The following SYT9 variants were observed in gnomAD, a reference collection of about 807,000 sequenced individuals.
SYT9 encodes the protein synaptotagmin-9.
A neutral mutation model predicts 48.4 loss-of-function variants in SYT9; 22 were observed. The ratio of observed to expected loss-of-function variants is 0.45; its 90% CI spans 0.32 to 0.65. The LOEUF (loss-of-function observed/expected upper bound fraction) is 0.65. Ranked by LOEUF, SYT9 falls within the 30% of genes least tolerant of loss-of-function variation. The probability of loss-of-function intolerance (pLI) is 0.03; values close to 1 mark genes in which losing one functional copy is unlikely to be tolerated. For missense variants in SYT9, 577 were observed against 622.0 expected (o/e 0.93, Z 0.77); for synonymous variants, 265 against 245.0 (o/e 1.08, Z -0.76).
chr11:7,458,509 A>G (rs1848189761), intron 6 of SYT9, among the ~76,000 whole-genome samples: 1 of 152,312 alleles, frequency 6.6e-6, no homozygotes, highest in Admixed American at 6.5e-5. Flanking sequence ...AATTTAATTT[A>G]ATAGAGCAAG....
chr11:7,317,223 T>C (rs1849258857), intron 3 of SYT9, among the ~76,000 whole-genome samples: 1 of 152,242 alleles, frequency 6.6e-6, no homozygotes, highest in South Asian at 2.1e-4. Flanking sequence ...TTAGAAGTGT[T>C]AAGGTTTTGT....
chr11:7,283,343 A>G (rs1182455243), intron 1 of SYT9, among the ~76,000 whole-genome samples: 2 of 152,098 alleles, frequency 1.3e-5, no homozygotes, highest in East Asian at 3.9e-4. Flanking sequence ...ACTGTGAAAG[A>G]TTGAAGACAG....
chr11:7,316,463 C>T (rs968531353), intron 3 of SYT9, among the ~76,000 whole-genome samples: 6 of 152,016 alleles, frequency 3.9e-5, no homozygotes, highest in African/African-American at 1.4e-4. Context: ...TAGAAATAAG[C>T]AGAGCAGCTG....
upstream of SYT9, among the ~76,000 whole-genome samples, chr11:7,249,521 T>C (rs145077860): frequency 1.6e-4 from 25 of 152,336 alleles, no homozygotes; most frequent in Non-Finnish European, 3.5e-4. Flanking sequence ...AACCACCTGA[T>C]TTTACTTTCT....
intron 6 of SYT9, among the ~76,000 whole-genome samples, chr11:7,432,186 G>A (rs962103648): frequency 2.0e-5 from 3 of 152,162 alleles, no homozygotes; most frequent in Admixed American, 6.5e-5. Context: ...AGGCCTTGGG[G>A]GCCCACCCTT....
chr11:7,313,778 C>T lies in SYT9; in HGVS notation c.881C>T (p.Pro294Leu), dbSNP rs1446959308. Residue 294 changes from proline (P) to leucine (L), a missense_variant, in exon 3 of 7, where the codon CCC (proline) becomes CTC (leucine). By Grantham distance (98) the Pro-to-Leu change is moderately conservative. Transcript: ENST00000318881. ...GATGAAGTGTTTTTATTTCCGGTTC[C>T]CTACAATGACCTTGAAGCACGGAAG... Reference protein sequence around the residue: ...VFDEVFLFPVPYNDLEARKLH... With the variant: ...VFDEVFLFPVLYNDLEARKLH... The T allele has an allele frequency of 2.5e-6, 4 of 1,614,172 alleles. No homozygotes were observed. The highest frequency in any genetic ancestry group is 1.1e-5 in the South Asian group (1 of 91,080).
intron 6 of SYT9, chr11:7,435,385 T>C (rs1564903033): frequency 1.3e-5 from 2 of 152,238 alleles, no homozygotes; most frequent in South Asian, 4.1e-4. Context: ...GTTCCTCTTA[T>C]TGCTTCAAGC....
rs564315536 is a variant in SYT9 at position 7,424,167 on chromosome 11, A to G, written c.1467+3532A>G. Among the ~76,000 whole-genome samples, 38 of 152,340 alleles carry G rather than the reference A, an allele frequency of 2.5e-4. No individual in the cohort carries two copies. The East Asian group carries it at 5.2e-3, about 21-fold the overall frequency. On this transcript the variant is annotated intron_variant, in intron 6 of 6. Coordinates refer to ENST00000318881, the MANE Select transcript of SYT9 (RefSeq NM_175733.4). ...CAATACACCCTGACCTTGCCAGGGC[A>G]GGTGGCAGATGGAATCTTCAAAGCC...
At chr11:7,328,142 T>A (rs1328877947) in intron 3 of SYT9, among the ~76,000 whole-genome samples, 15 of 151,790 alleles carry the variant, frequency 9.9e-5, no homozygotes, top group African/African-American at 3.6e-4. Context: ...TGTATATTTC[T>A]ATTTTTTTAA....
At chr11:7,433,244 G>T (rs1302710038) in intron 6 of SYT9, among the ~76,000 whole-genome samples, 1 of 152,140 alleles carries the variant, frequency 6.6e-6, no homozygotes, top group Non-Finnish European at 1.5e-5. Flanking sequence ...CATGCTTCCT[G>T]TATAGCCTGC....
In SYT9 at chr11:7,467,461, T is replaced by A. The variant is rs1303315047; in HGVS notation, c.*661T>A. 6.6e-6 allele frequency: 1 copy of A among 152,254 alleles called. No homozygotes were observed. The highest frequency in any genetic ancestry group is 2.1e-4 in the South Asian group (1 of 4,828). The allele number at this position is 152,254 out of a possible 1,614,324, so 9.4% of individuals were successfully genotyped here. On this transcript the variant is annotated 3_prime_UTR_variant, in exon 7 of 7. Transcript: ENST00000318881. ...GTGGTAGAGAGTACCAGTATCAACA[T>A]GGCCCTGTTTTCTGCTAAAACCAGA... is the stretch of plus-strand genomic sequence containing the variant.
At chr11:7,450,803 C>T (rs1848033093) in intron 6 of SYT9, among the ~76,000 whole-genome samples, 1 of 152,182 alleles carries the variant, frequency 6.6e-6, no homozygotes, top group African/African-American at 2.4e-5. Context: ...TTTACACATG[C>T]CGACACATGT....
intron 2 of SYT9, among the ~76,000 whole-genome samples, chr11:7,309,753 G>C (rs1009990107): frequency 3.9e-5 from 6 of 152,060 alleles, no homozygotes; most frequent in African/African-American, 1.4e-4. Context: ...CAGTCTCCCT[G>C]CTCCACTTCC....
chr11:7,313,920 G>A lies in SYT9; in HGVS notation c.1023G>A (p.Lys341=). 1.2e-6 allele frequency: 2 copies of A among 1,612,894 alleles called. No individual in the cohort carries two copies. The highest frequency in any genetic ancestry group is 8.5e-7 in the Non-Finnish European group (1 of 1,179,730). The change falls in exon 3 of 7, where the codon AAG becomes AAA. Residue 341 remains lysine (K), a synonymous_variant. Transcript: ENST00000318881. The part of the protein sequence containing the change: ...ADFPRECILW[K]DIEYVTNDNV... ...TCCCCAGGGAGTGCATCCTTTGGAA[G>A]GATATCGAATATGTCACCAATGTGA... is the stretch of plus-strand genomic sequence containing the variant.
intron 3 of SYT9, among the ~76,000 whole-genome samples, chr11:7,334,053 A>G (rs1849590717): frequency 6.6e-6 from 1 of 152,198 alleles, no homozygotes; most frequent in Non-Finnish European, 1.5e-5. Context: ...ATTGAAGCTG[A>G]GACAAAAGGA....
intron 6 of SYT9, among the ~76,000 whole-genome samples, chr11:7,451,779 A>C (rs919518061): frequency 6.6e-6 from 1 of 152,118 alleles, no homozygotes; most frequent in African/African-American, 2.4e-5. Context: ...AATAGAGTGC[A>C]CTCCGGGATG....
intron 1 of SYT9, among the ~76,000 whole-genome samples, chr11:7,287,115 G>A (rs964523225): frequency 1.3e-5 from 2 of 152,172 alleles, no homozygotes; most frequent in African/African-American, 4.8e-5. Context: ...AAGGAAAGAG[G>A]TTTAATTGAC....
intron 6 of SYT9, among the ~76,000 whole-genome samples, chr11:7,432,580 A>ATATATAT (rs1847617485): frequency 3.2e-4 from 2 of 6,186 alleles, no homozygotes; most frequent in Non-Finnish European, 5.5e-4. Context: ...AAAAAAAAAA[A>ATATATAT]AAATATATAT....
At chr11:7,370,007 G>T (rs1850333073) in intron 3 of SYT9, among the ~76,000 whole-genome samples, 1 of 151,992 alleles carries the variant, frequency 6.6e-6, no homozygotes, top group African/African-American at 2.4e-5. Flanking sequence ...CACACATGCA[G>T]TATACACGGC....
Sources: gnomAD v4.1 joint callset for allele counts (sites outside exome capture counted in the v4.1 genomes callset) on GRCh38, gnomAD v4.1.1 for gene constraint, MANE v1.5 for transcripts, NCBI Gene and HGNC (gene_info 2026-07-23, HGNC 2026-07-21) for gene names.